The following GREB1L variants were observed in gnomAD, a reference collection of about 807,000 sequenced individuals.
The protein encoded by GREB1L is GREB1 like retinoic acid receptor coactivator, also known as GREB1-like protein.
In GREB1L, 17 loss-of-function variants were observed where a neutral mutation model predicts 200.8. That is an observed-to-expected ratio of 0.08 (90% confidence interval 0.06 to 0.13). The LOEUF (loss-of-function observed/expected upper bound fraction) is 0.13. GREB1L is among the 10% of genes least tolerant of loss of function. The pLI is 1.00. For synonymous variants in GREB1L, 789 were observed against 893.0 expected, an observed-to-expected ratio of 0.88 and a Z score of 2.08; for missense variants, 1,657 against 2,367.7, an observed-to-expected ratio of 0.70 and a Z score of 6.23.
chr18:21,513,963 T>A lies in GREB1L; in HGVS notation c.4878T>A (p.Ile1626=). ...ATGACTCATGTGTCCTATGGAACAT[T>A]CACAGTGTTCAGGAGCCATCCAGGT... ...MMDDSCVLWN[I]HSVQEPSSQP... Residue 1626 remains isoleucine, a synonymous_variant, in exon 28 of 33, where the codon ATT becomes ATA. Transcript: ENST00000424526. 1.9e-6 allele frequency: 3 copies of A among 1,551,664 alleles called. No individual in the cohort carries two copies. Among genetic ancestry groups the A allele is most frequent in the Non-Finnish European group, 2.6e-6 (3 of 1,146,970 alleles).
chr18:21,372,267 T>C lies in GREB1L; in HGVS notation c.-10+6131T>C, dbSNP rs529873033. Among the ~76,000 whole-genome samples the C allele has an allele frequency of 2.0e-5, 3 of 151,636 alleles. No homozygotes were observed. The East Asian group carries it at 5.9e-4, about 30-fold the overall frequency. On this transcript the variant is annotated intron_variant, in intron 2 of 32. Coordinates refer to ENST00000424526, the MANE Select transcript of GREB1L (RefSeq NM_001142966.3). Reference sequence around the variant, plus strand: ...GAGTTCAAGCAGTTATCTGCCTCAGTCTCCCAAGTAGCTGGGATTACAGGC... The same window carrying C: ...GAGTTCAAGCAGTTATCTGCCTCAGCCTCCCAAGTAGCTGGGATTACAGGC...
At position 21,421,133 on chromosome 18, in the gene GREB1L, G is replaced by A. The variant is rs1458861389; in HGVS notation, c.832+17139G>A. 2.6e-5 allele frequency among the ~76,000 whole-genome samples: 4 copies of A among 152,278 alleles called. No individual in the cohort carries two copies. In the East Asian group the frequency reaches 5.8e-4, roughly 22 times the overall value. ...GGATGGGAGCAAGGGAAGCATAGGTGGGAGGAATTACAAAGAGGTACAAGG... is the reference window on the plus strand; with the variant it reads ...GGATGGGAGCAAGGGAAGCATAGGTAGGAGGAATTACAAAGAGGTACAAGG... On this transcript the variant is annotated intron_variant, in intron 7 of 32. Coordinates refer to ENST00000424526, the MANE Select transcript of GREB1L (RefSeq NM_001142966.3).
chr18:21,314,343 TG>T (rs1485272346), intron 1 of GREB1L, among the ~76,000 whole-genome samples: 2 of 152,156 alleles, frequency 1.3e-5, no homozygotes, highest in Non-Finnish European at 2.9e-5. Context: ...ATTGGTTTTG[TG>T]TGAAAGCGTG....
intron 28 of GREB1L, 123 bp from the exon 29 acceptor site, chr18:21,515,293 CG>C (rs773278996): frequency 2.9e-6 from 2 of 692,762 alleles, no homozygotes; most frequent in Non-Finnish European, 4.8e-6. Flanking sequence ...TTTGCTAATA[CG>C]AAGTAAATCA....
chr18:21,438,976 AAAAG>A (rs1384859677), intron 7 of GREB1L, among the ~76,000 whole-genome samples: 75 of 141,786 alleles, frequency 5.3e-4, no homozygotes, highest in African/African-American at 1.5e-3. Flanking sequence ...AAAAAAAAAA[AAAAG>A]AAAAGAAAAG....
Position 21,464,034 on chromosome 18 carries a change from T to A in GREB1L, c.2183-8997T>A, listed in dbSNP as rs200446832. 1.8e-3 allele frequency among the ~76,000 whole-genome samples: 269 copies of A among 152,016 alleles called. 2 individuals are homozygous for A. In the Middle Eastern group the frequency reaches 0.044, roughly 25 times the overall value. On this transcript the variant is annotated intron_variant, in intron 15 of 32. Coordinates refer to ENST00000424526, the MANE Select transcript of GREB1L (RefSeq NM_001142966.3). Reference sequence around the variant, plus strand: ...CAATGGATTGCAACCTATTGAAAAATTTTTTAAAACCCATGAGTCCAGAAC... The same window carrying A: ...CAATGGATTGCAACCTATTGAAAAAATTTTTAAAACCCATGAGTCCAGAAC...
chr18:21,284,561 T>A (rs1297540000), intron 1 of GREB1L, among the ~76,000 whole-genome samples: 4 of 152,218 alleles, frequency 2.6e-5, no homozygotes. Context: ...TTGTTTATTC[T>A]TCATCAGTTG....
Position 21,449,643 on chromosome 18 carries a change from G to C in GREB1L, c.1527G>C (p.Trp509Cys). Residue 509 changes from tryptophan to cysteine, a missense_variant, in exon 12 of 33, where the codon TGG becomes TGC. By Grantham distance (215) the Trp-to-Cys change is radical (BLOSUM62 -2). Transcript: ENST00000424526. ...CVPVSPGQLP[W>C]LARLIASVSQ... Reference sequence around the variant, plus strand: ...CTGTGTCACCAGGACAACTCCCCTGGCTTGCTAGATTAATTGCCAGCGTAT... The same window carrying C: ...CTGTGTCACCAGGACAACTCCCCTGCCTTGCTAGATTAATTGCCAGCGTAT... 1 of 1,551,670 alleles carries C rather than the reference G, an allele frequency of 6.4e-7. No homozygotes were observed. The highest frequency in any genetic ancestry group is 8.7e-7 in the Non-Finnish European group (1 of 1,146,998).
chr18:21,365,746 T>G (rs1274078292), intron 1 of GREB1L, among the ~76,000 whole-genome samples: 1 of 152,172 alleles, frequency 6.6e-6, no homozygotes, highest in African/African-American at 2.4e-5. Flanking sequence ...CTTGACAGAC[T>G]TATTCAACTT....
At chr18:21,404,281 G>A (rs1317911387) in intron 7 of GREB1L, among the ~76,000 whole-genome samples, 1 of 152,092 alleles carries the variant, frequency 6.6e-6, no homozygotes, top group Non-Finnish European at 1.5e-5. Flanking sequence ...AGACATGAGG[G>A]GAGTCTGCAT....
At chr18:21,303,326 A>G (rs1486778393) in intron 1 of GREB1L, among the ~76,000 whole-genome samples, 7 of 152,330 alleles carry the variant, frequency 4.6e-5, no homozygotes, top group Admixed American at 2.0e-4. Context: ...ATCACCAACT[A>G]ATCTCTTAGA....
intron 1 of GREB1L, among the ~76,000 whole-genome samples, chr18:21,258,475 T>C (rs1298026048): frequency 6.6e-6 from 1 of 152,204 alleles, no homozygotes; most frequent in East Asian, 1.9e-4. Context: ...TCCATGGCTA[T>C]GTATTACATC....
At chr18:21,392,601 A>G (rs143227745) in intron 4 of GREB1L, among the ~76,000 whole-genome samples, 120 of 152,210 alleles carry the variant, frequency 7.9e-4, no homozygotes, top group African/African-American at 2.8e-3. Flanking sequence ...AAAGGGATCT[A>G]TAAGCTTGAA....
chr18:21,328,009 C>T (rs1429508842), intron 1 of GREB1L, among the ~76,000 whole-genome samples: 3 of 152,168 alleles, frequency 2.0e-5, no homozygotes, highest in Admixed American at 1.3e-4. Flanking sequence ...CCACAGCGCC[C>T]GGCCAACCCC....
At chr18:21,343,623 G>C (rs1305309250) in intron 1 of GREB1L, among the ~76,000 whole-genome samples, 1 of 152,058 alleles carries the variant, frequency 6.6e-6, no homozygotes, top group Non-Finnish European at 1.5e-5. Context: ...AATTTATCGA[G>C]CTGCCAGTAG....
chr18:21,252,018 A>T (rs2037714643), intron 1 of GREB1L, among the ~76,000 whole-genome samples: 1 of 151,798 alleles, frequency 6.6e-6, no homozygotes, highest in East Asian at 1.9e-4. Context: ...AAAATATTTT[A>T]TGAAACATAA....
intron 2 of GREB1L, among the ~76,000 whole-genome samples, chr18:21,371,030 G>T (rs1437249448): frequency 6.6e-6 from 1 of 151,994 alleles, no homozygotes; most frequent in African/African-American, 2.4e-5. Flanking sequence ...AGGTTGCAGT[G>T]AGCTGAGATC....
chr18:21,278,143 G>A (rs2038200697), intron 1 of GREB1L, among the ~76,000 whole-genome samples: 1 of 152,132 alleles, frequency 6.6e-6, no homozygotes, highest in Non-Finnish European at 1.5e-5. Flanking sequence ...ACTTTGGGAG[G>A]CCGAGGCGGG....
At chr18:21,336,646 C>A (rs1376622930) in intron 1 of GREB1L, among the ~76,000 whole-genome samples, 2 of 152,144 alleles carry the variant, frequency 1.3e-5, no homozygotes, top group Non-Finnish European at 2.9e-5. Context: ...TATACTTATT[C>A]TTTTGCATGT....
Sources: allele counts gnomAD v4.1 joint callset (sites outside exome capture counted in the v4.1 genomes callset), GRCh38; gene constraint gnomAD v4.1.1; transcripts MANE v1.5; gene names NCBI Gene and HGNC (gene_info 2026-07-23, HGNC 2026-07-21).